The following CHLSN variants were observed in gnomAD, a reference collection of about 807,000 sequenced individuals.
CHLSN encodes the protein protein cholesin.
chr7:1,102,746 C>T, the CHLSN span, among the ~76,000 whole-genome samples: 2 of 152,318 alleles, frequency 1.3e-5, no homozygotes, highest in African/African-American at 2.4e-5. Flanking sequence ...GCACGGTGCC[C>T]GCCTCACCCT....
the CHLSN span, among the ~76,000 whole-genome samples, chr7:993,690 C>T: frequency 4.6e-5 from 7 of 152,150 alleles, no homozygotes; most frequent in African/African-American, 9.7e-5. Flanking sequence ...GGAGGAGAAT[C>T]GCCTGAGCCC....
the CHLSN span, among the ~76,000 whole-genome samples, chr7:1,131,974 C>T: frequency 6.6e-6 from 1 of 152,172 alleles, no homozygotes; most frequent in Non-Finnish European, 1.5e-5. Context: ...GTGGGAAAGA[C>T]AAATGGTGCC....
chr7:1,127,418 A>G, the CHLSN span: 3 of 1,581,062 alleles, frequency 1.9e-6, no homozygotes, highest in Non-Finnish European at 2.6e-6. Context: ...GCTGAAGACA[A>G]GGAAATGAAA....
At chr7:1,097,934 C>A in the CHLSN span, among the ~76,000 whole-genome samples, 1 of 152,162 alleles carries the variant, frequency 6.6e-6, no homozygotes, top group Non-Finnish European at 1.5e-5. This position sits in a 1 kb window ranked among gnomAD's most constrained non-coding sequence, Gnocchi z 4.3. Context: ...AAAGGCAGAG[C>A]AATCATCCCA....
At chr7:998,060 C>G in the CHLSN span, among the ~76,000 whole-genome samples, 1 of 152,190 alleles carries the variant, frequency 6.6e-6, no homozygotes. Context: ...TCACAAACAT[C>G]GTAAAAATCC....
At chr7:1,063,754 G>A in the CHLSN span, among the ~76,000 whole-genome samples, 1 of 152,216 alleles carries the variant, frequency 6.6e-6, no homozygotes, top group Admixed American at 6.5e-5. Context: ...CCAAAGAAGC[G>A]CCTCTTTAGG....
chr7:1,010,242 G>T, the CHLSN span: 1 of 1,114,478 alleles, frequency 9.0e-7, no homozygotes, highest in Non-Finnish European at 1.2e-6. Flanking sequence ...CTCAGTAGTG[G>T]CCAAAAGCTC....
chr7:992,396 C>T, the CHLSN span, among the ~76,000 whole-genome samples: 49 of 152,348 alleles, frequency 3.2e-4, no homozygotes, highest in South Asian at 2.1e-3. Context: ...GAGGCCCCCC[C>T]ACAGTAAGCT....
At chr7:1,082,129 TA>T in the CHLSN span, 1 of 152,258 alleles carries the variant, frequency 6.6e-6, no homozygotes, top group African/African-American at 2.4e-5. Flanking sequence ...CAGTCCATGT[TA>T]AAAGGATCTT....
chr7:988,535 CT>C, the CHLSN span: 8 of 1,596,216 alleles, frequency 5.0e-6, no homozygotes, highest in Non-Finnish European at 6.0e-6. Context: ...CTGAAGGCGG[CT>C]GTGGTGGCTG....
chr7:1,098,379 T>C, the CHLSN span, among the ~76,000 whole-genome samples: 11 of 152,134 alleles, frequency 7.2e-5, no homozygotes, highest in Non-Finnish European at 1.2e-4. Flanking sequence ...AACCCAGATG[T>C]CCATAAGCCA....
the CHLSN span, among the ~76,000 whole-genome samples, chr7:982,995 C>T: frequency 5.8e-4 from 89 of 152,188 alleles, no homozygotes; most frequent in Non-Finnish European, 9.7e-4. Context: ...CCCCGTCCTG[C>T]CCTCCCCTCC....
chr7:1,092,647 C>T, the CHLSN span: 7 of 1,612,984 alleles, frequency 4.3e-6, no homozygotes, highest in Non-Finnish European at 5.9e-6. Context: ...CCTCACGGGC[C>T]ACATTGTCAA....
the CHLSN span, among the ~76,000 whole-genome samples, chr7:1,070,261 G>A: frequency 1.7e-3 from 246 of 140,966 alleles, no homozygotes; most frequent in Middle Eastern, 3.9e-3. Flanking sequence ...GGAGGTGGGG[G>A]GGGTCAGCCC....
chr7:988,127 C>T, the CHLSN span: 1 of 943,878 alleles, frequency 1.1e-6, no homozygotes, highest in Non-Finnish European at 1.5e-6. Context: ...CATGTGGCCT[C>T]CCTGGGTTTG....
chr7:1,002,741 G>C, the CHLSN span, among the ~76,000 whole-genome samples: 1 of 110,960 alleles, frequency 9.0e-6, no homozygotes, highest in African/African-American at 4.0e-5. Flanking sequence ...GGAATCCTGT[G>C]GGTGGGGAGT....
the CHLSN span, among the ~76,000 whole-genome samples, chr7:999,557 G>T: frequency 6.6e-6 from 1 of 152,134 alleles, no homozygotes; most frequent in East Asian, 1.9e-4. Flanking sequence ...CCTGGGCGGG[G>T]CCCTGTCTCA....
At chr7:1,101,294 C>T in the CHLSN span, among the ~76,000 whole-genome samples, 4 of 152,274 alleles carry the variant, frequency 2.6e-5, no homozygotes, top group African/African-American at 9.6e-5. Context: ...GCAGAACAAA[C>T]GCCCTGGACG....
chr7:1,071,003 C>G, the CHLSN span, among the ~76,000 whole-genome samples: 1 of 146,818 alleles, frequency 6.8e-6, no homozygotes, highest in Admixed American at 6.7e-5. Flanking sequence ...CACACGTGCA[C>G]ACGCACATGC....
Sources: gnomAD v4.1 joint callset for allele counts (sites outside exome capture counted in the v4.1 genomes callset) on GRCh38, gnomAD v4.1.1 for gene constraint, Gnocchi (gnomAD v3.1) non-coding constraint, MANE v1.5 for transcripts, NCBI Gene and HGNC (gene_info 2026-07-23, HGNC 2026-07-21) for gene names.